NLGN4X: variants seen among roughly 807,000 people sequenced by gnomAD.
The protein encoded by NLGN4X is neuroligin-4, X-linked.
Under a neutral mutation model 40.3 loss-of-function variants are expected in NLGN4X, and 3 were observed. The ratio of observed to expected loss-of-function variants is 0.07; its 90% CI spans 0.03 to 0.19. The LOEUF is 0.19. Ranked by LOEUF, NLGN4X falls within the 10% of genes least tolerant of loss-of-function variation. The pLI, the probability that NLGN4X is intolerant of heterozygous loss-of-function variation, is 1.00. For synonymous variants in NLGN4X, 270 were observed against 306.8 expected (o/e 0.88, Z 1.25); for missense variants, 382 against 708.3 (o/e 0.54, Z 5.23).
intron 1 of NLGN4X, among the ~76,000 whole-genome samples, chrX:6,184,190 T>G (rs939533238): frequency 2.7e-5 from 3 of 112,506 alleles, no homozygotes; most frequent in Non-Finnish European, 5.6e-5. Flanking sequence ...AAAGTTTACC[T>G]TGATTATCAA....
chrX:6,011,366 AATAT>A (rs10584166), intron 3 of NLGN4X, among the ~76,000 whole-genome samples: 28,797 of 101,199 alleles, frequency 0.28, 3,395 homozygotes, highest in East Asian at 0.77. Flanking sequence ...CAAATTCAGA[AATAT>A]ATATATATAT....
chrX:6,176,915 C>T (rs1920962032), intron 1 of NLGN4X, among the ~76,000 whole-genome samples: 1 of 111,385 alleles, frequency 9.0e-6, no homozygotes, highest in African/African-American at 3.3e-5. Context: ...TGGTTGAGAC[C>T]AATGAGTTAA....
At chrX:5,906,074 C>A (rs754605548) in intron 4 of NLGN4X, among the ~76,000 whole-genome samples, 1 of 111,925 alleles carries the variant, frequency 8.9e-6, no homozygotes, top group East Asian at 2.8e-4. Flanking sequence ...ATAATTAACA[C>A]CTCCCTCCAA....
chrX:5,977,294 C>T (rs1216928295), intron 3 of NLGN4X, among the ~76,000 whole-genome samples: 1 of 111,692 alleles, frequency 9.0e-6, no homozygotes, highest in African/African-American at 3.3e-5. Flanking sequence ...ATAGCTAGCT[C>T]ACTGGAGCCT....
In NLGN4X at chrX:6,037,289, C is replaced by T. The variant is rs750024436; in HGVS notation, c.473-7857G>A. Reference sequence around the variant, plus strand: ...CTGCTGCACTCCAGCCTGGGTGAAACAGCCAGACCTTATCACAAAAAAAAA... The same window carrying T: ...CTGCTGCACTCCAGCCTGGGTGAAATAGCCAGACCTTATCACAAAAAAAAA... On this transcript the variant is annotated intron_variant, in intron 2 of 5. Transcript: ENST00000381095. 3.8e-5 allele frequency among the ~76,000 whole-genome samples: 4 copies of T among 105,925 alleles called. No individual in the cohort carries two copies. In the East Asian group the frequency reaches 1.2e-3, roughly 31 times the overall value. The allele number at this position is 105,925 out of a possible 115,157, so 92.0% of individuals were successfully genotyped here.
At chrX:5,946,272 G>A (rs1477471814) in intron 3 of NLGN4X, among the ~76,000 whole-genome samples, 5 of 111,447 alleles carry the variant, frequency 4.5e-5, no homozygotes, top group Admixed American at 1.9e-4. Flanking sequence ...TAAAAAGCTC[G>A]TGTCTTTGCA....
At chrX:6,001,893 T>C (rs1602042319) in intron 3 of NLGN4X, among the ~76,000 whole-genome samples, 1 of 112,040 alleles carries the variant, frequency 8.9e-6, no homozygotes, top group African/African-American at 3.2e-5. Context: ...TGTGTTTTAA[T>C]CTCATTTGAA....
At chrX:6,224,253 C>T (rs767546796) in intron 1 of NLGN4X, among the ~76,000 whole-genome samples, 1 of 112,533 alleles carries the variant, frequency 8.9e-6, no homozygotes, top group East Asian at 2.8e-4. Context: ...TGAAATGTGG[C>T]GTACCAATTA....
chrX:5,895,016 G>C (rs1392531400), intron 5 of NLGN4X, among the ~76,000 whole-genome samples: 1 of 112,223 alleles, frequency 8.9e-6, no homozygotes, highest in East Asian at 2.8e-4. Flanking sequence ...TGCATGGCCT[G>C]CATGGCAGAA....
intron 2 of NLGN4X, among the ~76,000 whole-genome samples, chrX:6,117,749 G>A (rs868326382): frequency 8.9e-6 from 1 of 111,854 alleles, no homozygotes; most frequent in South Asian, 3.7e-4. Flanking sequence ...GCCCCTTGAA[G>A]TATCTCCCAG....
intron 1 of NLGN4X, among the ~76,000 whole-genome samples, chrX:6,184,798 G>A (rs1008304750): frequency 5.3e-5 from 6 of 112,600 alleles, no homozygotes; most frequent in Non-Finnish European, 1.1e-4. Context: ...AAGGTTTTCT[G>A]CAGAATGTGA....
intron 2 of NLGN4X, chrX:6,032,780 G>A: frequency 3.0e-6 from 3 of 993,254 alleles, no homozygotes; most frequent in Non-Finnish European, 4.1e-6. Context: ...GAAAATAAAG[G>A]GAAAAAAGAG....
At chrX:6,132,752 T>C (rs1042523429) in intron 2 of NLGN4X, among the ~76,000 whole-genome samples, 1 of 111,592 alleles carries the variant, frequency 9.0e-6, no homozygotes, top group African/African-American at 3.3e-5. Flanking sequence ...TATTCATCCT[T>C]GCCCCAGTCC....
At chrX:5,972,858 T>C (rs1258798257) in intron 3 of NLGN4X, among the ~76,000 whole-genome samples, 1 of 111,297 alleles carries the variant, frequency 9.0e-6, no homozygotes, top group African/African-American at 3.3e-5. Flanking sequence ...GATCTAAATG[T>C]TTTTAAGAGT....
At chrX:6,017,175 T>C (rs760157362) in intron 3 of NLGN4X, among the ~76,000 whole-genome samples, 5 of 111,561 alleles carry the variant, frequency 4.5e-5, no homozygotes, top group Non-Finnish European at 9.4e-5. Context: ...GTCACTTACA[T>C]GGTAAGGATC....
chrX:5,906,017 G>A (rs193023156), intron 4 of NLGN4X, among the ~76,000 whole-genome samples: 59 of 111,603 alleles, frequency 5.3e-4, no homozygotes, highest in African/African-American at 1.8e-3. Context: ...ATGCCTTGCA[G>A]AAATGACCGA....
chrX:5,938,469 A>C (rs1178377450), intron 3 of NLGN4X, among the ~76,000 whole-genome samples: 1 of 111,220 alleles, frequency 9.0e-6, no homozygotes, highest in Non-Finnish European at 1.9e-5. Context: ...TTTACATTAA[A>C]GTTAGATTAG....
At chrX:6,079,550 T>C (rs1368493936) in intron 2 of NLGN4X, among the ~76,000 whole-genome samples, 1 of 111,921 alleles carries the variant, frequency 8.9e-6, no homozygotes, top group Admixed American at 9.5e-5. Context: ...TGTCTTTACT[T>C]TTTCCCACAT....
intron 1 of NLGN4X, among the ~76,000 whole-genome samples, chrX:6,166,272 T>C (rs2040493760): frequency 9.0e-6 from 1 of 111,526 alleles, no homozygotes; most frequent in African/African-American, 3.3e-5. Flanking sequence ...TTTATTTTAT[T>C]GATTGTAGAA....
Sources: gnomAD v4.1 joint callset for allele counts (sites outside exome capture counted in the v4.1 genomes callset) on GRCh38, gnomAD v4.1.1 for gene constraint, MANE v1.5 for transcripts, NCBI Gene and HGNC (gene_info 2026-07-23, HGNC 2026-07-21) for gene names.